Variants in PDZRN4 observed in about 807,000 individuals in gnomAD.
PDZRN4 encodes the protein PDZ domain-containing RING finger protein 4.
A neutral mutation model predicts 99.0 loss-of-function variants in PDZRN4; 70 were observed. That is an observed-to-expected ratio of 0.71 (90% CI 0.58 to 0.86). The LOEUF is 0.86. PDZRN4 is among the 40% of genes least tolerant of loss of function. The pLI, the probability that PDZRN4 is intolerant of heterozygous loss-of-function variation, is 0.00. For missense variants in PDZRN4, 1,474 were observed against 1,331.2 expected (o/e 1.11, Z -1.67); for synonymous variants, 551 against 501.6 (o/e 1.10, Z -1.32).
chr12:41,546,030 C>T (rs1231638224), intron 5 of PDZRN4, among the ~76,000 whole-genome samples: 2 of 152,150 alleles, frequency 1.3e-5, no homozygotes. Context: ...AATTATGGCA[C>T]TAGTTCCTTT....
chr12:41,437,006 G>A (rs1026394124), intron 3 of PDZRN4, among the ~76,000 whole-genome samples: 17 of 151,946 alleles, frequency 1.1e-4, no homozygotes, highest in East Asian at 1.9e-4. Flanking sequence ...AAATCTACAT[G>A]CGTTATATGC....
intron 3 of PDZRN4, among the ~76,000 whole-genome samples, chr12:41,236,693 T>G (rs1370624829): frequency 6.6e-6 from 1 of 152,090 alleles, no homozygotes; most frequent in African/African-American, 2.4e-5. Flanking sequence ...GTCTGGGGAT[T>G]GTTTTTTTGT....
chr12:41,519,629 C>T (rs1283503173), intron 5 of PDZRN4, among the ~76,000 whole-genome samples: 1 of 151,954 alleles, frequency 6.6e-6, no homozygotes, highest in Non-Finnish European at 1.5e-5. Flanking sequence ...TACCAATGCT[C>T]TTCAATGCCT....
chr12:41,275,733 G>A (rs990417897), intron 3 of PDZRN4, among the ~76,000 whole-genome samples: 4 of 152,110 alleles, frequency 2.6e-5, no homozygotes, highest in Non-Finnish European at 5.9e-5. Context: ...AAGGAGATAG[G>A]ATTCAAACCC....
At chr12:41,488,210 A>G (rs1937812964) in intron 3 of PDZRN4, among the ~76,000 whole-genome samples, 1 of 152,210 alleles carries the variant, frequency 6.6e-6, no homozygotes, top group Admixed American at 6.6e-5. Flanking sequence ...AAGTCAGTGA[A>G]GTGTACGGAT....
chr12:41,516,162 C>T (rs1184481836), intron 5 of PDZRN4, among the ~76,000 whole-genome samples: 1 of 152,192 alleles, frequency 6.6e-6, no homozygotes, highest in East Asian at 1.9e-4. Context: ...TTTCCCACCA[C>T]TGAACTCCCA....
chr12:41,537,851 G>A (rs1038787937), intron 5 of PDZRN4, among the ~76,000 whole-genome samples: 1 of 152,132 alleles, frequency 6.6e-6, no homozygotes, highest in African/African-American at 2.4e-5. Flanking sequence ...AACCAGCTTA[G>A]GAAGAAGATC....
intron 3 of PDZRN4, among the ~76,000 whole-genome samples, chr12:41,230,581 C>G (rs911110585): frequency 6.6e-6 from 1 of 152,040 alleles, no homozygotes; most frequent in Non-Finnish European, 1.5e-5. Context: ...TACATGCAAT[C>G]TGTTAGAAAT....
At chr12:41,413,105 A>G (rs1020132345) in intron 3 of PDZRN4, 3 of 152,158 alleles carry the variant, frequency 2.0e-5, no homozygotes, top group African/African-American at 7.2e-5. Context: ...AAAGAAAAGA[A>G]TAGTCATAGC....
chr12:41,320,631 C>T (rs1951670478), intron 3 of PDZRN4, among the ~76,000 whole-genome samples: 1 of 152,136 alleles, frequency 6.6e-6, no homozygotes, highest in Non-Finnish European at 1.5e-5. Context: ...CTCAGGCTGT[C>T]CTGCAATCAG....
At chr12:41,236,252 G>A (rs1951065915) in intron 3 of PDZRN4, among the ~76,000 whole-genome samples, 1 of 152,110 alleles carries the variant, frequency 6.6e-6, no homozygotes, top group African/African-American at 2.4e-5. Flanking sequence ...AGGAAAGATT[G>A]ATTCTTTGCA....
At chr12:41,377,542 G>A (rs1409998177) in intron 3 of PDZRN4, among the ~76,000 whole-genome samples, 2 of 152,110 alleles carry the variant, frequency 1.3e-5, no homozygotes, top group Non-Finnish European at 2.9e-5. Flanking sequence ...GCATGCACCT[G>A]TAGTCCAGCT....
chr12:41,326,760 C>T (rs930203314), intron 3 of PDZRN4, among the ~76,000 whole-genome samples: 2 of 152,122 alleles, frequency 1.3e-5, no homozygotes, highest in Admixed American at 6.6e-5. Flanking sequence ...TTTATTCCTG[C>T]TTACAGTTGG....
chr12:41,412,509 G>C (rs1433291558), intron 3 of PDZRN4: 11 of 152,048 alleles, frequency 7.2e-5, no homozygotes, highest in Non-Finnish European at 1.6e-4. Flanking sequence ...AGGAGAGACG[G>C]GTGATAACAG....
At position 41,487,326 on chromosome 12, in the gene PDZRN4, A is replaced by G. The variant is rs370139709; in HGVS notation, c.844-19130A>G. Among the ~76,000 whole-genome samples, 40 of 152,234 alleles carry G rather than the reference A, an allele frequency of 2.6e-4. No homozygotes were observed. The East Asian group carries it at 4.8e-3, about 18-fold the overall frequency. On this transcript the variant is annotated intron_variant, in intron 3 of 9. Transcript: ENST00000402685. ...GAAACTAATCCCAGACTCAGGAAAA[A>G]TATTTCCTAATTTTCCATTTTAATT...
intron 3 of PDZRN4, among the ~76,000 whole-genome samples, chr12:41,402,194 C>CACTGAGTATATATATATATAT (rs1952297151): frequency 1.7e-4 from 1 of 5,904 alleles, no homozygotes; most frequent in African/African-American, 1.7e-3. Context: ...TATATATACA[C>CACTGAGTATATATATATATAT]ACACACTGAG....
Position 41,473,081 on chromosome 12 carries a change from A to G in PDZRN4, c.844-33375A>G, listed in dbSNP as rs147902496. Reference sequence around the variant, plus strand: ...GTCACTTTAGCCTCTTAAGTTGGGTAAGATATTACAGTTTTGTTTTATTTT... The same window carrying G: ...GTCACTTTAGCCTCTTAAGTTGGGTGAGATATTACAGTTTTGTTTTATTTT... On this transcript the variant is annotated intron_variant, in intron 3 of 9. Transcript: ENST00000402685. 9.9e-5 allele frequency among the ~76,000 whole-genome samples: 15 copies of G among 152,208 alleles called. No homozygotes were observed. In the East Asian group the frequency reaches 2.9e-3, roughly 29 times the overall value.
intron 3 of PDZRN4, among the ~76,000 whole-genome samples, chr12:41,209,110 A>C (rs1323633485): frequency 6.6e-6 from 1 of 151,782 alleles, no homozygotes; most frequent in Non-Finnish European, 1.5e-5. Flanking sequence ...ATAATTTTTT[A>C]ATTTTTATTT....
chr12:41,481,713 T>C (rs1363737817), intron 3 of PDZRN4, among the ~76,000 whole-genome samples: 1 of 152,186 alleles, frequency 6.6e-6, no homozygotes, highest in Admixed American at 6.6e-5. Flanking sequence ...TTGTTTGCAC[T>C]AGTAATTTCT....
Sources: gnomAD v4.1 joint callset for allele counts (sites outside exome capture counted in the v4.1 genomes callset) on GRCh38, gnomAD v4.1.1 for gene constraint, MANE v1.5 for transcripts, NCBI Gene and HGNC (gene_info 2026-07-23, HGNC 2026-07-21) for gene names.